The following RAB3C variants were observed in gnomAD, a reference collection of about 807,000 sequenced individuals.
RAB3C encodes the protein RAB3C, member RAS oncogene family.
RAB3C carries 17 observed loss-of-function variants against 26.4 expected under a neutral mutation model. The ratio of observed to expected loss-of-function variants is 0.64; its 90% confidence interval spans 0.44 to 0.97. RAB3C has a LOEUF of 0.97. RAB3C is among the 50% of genes least tolerant of loss of function. The pLI, the probability that RAB3C is intolerant of heterozygous loss-of-function variation, is 0.00. For missense variants in RAB3C, 242 were observed against 281.9 expected (o/e 0.86, Z 1.01); for synonymous variants, 91 against 95.9 (o/e 0.95, Z 0.30).
chr5:58,752,742 A>T (rs989661298), intron 3 of RAB3C, among the ~76,000 whole-genome samples: 1 of 152,164 alleles, frequency 6.6e-6, no homozygotes, highest in Non-Finnish European at 1.5e-5. Context: ...ACTTTGCTCA[A>T]TTTTATTACT....
At chr5:58,727,118 G>A (rs1740907018) in intron 3 of RAB3C, among the ~76,000 whole-genome samples, 1 of 111,048 alleles carries the variant, frequency 9.0e-6, no homozygotes, top group South Asian at 3.0e-4. Context: ...AAAACAGACA[G>A]CATTCTTTTT....
chr5:58,761,853 C>A (rs1014546212), intron 3 of RAB3C, among the ~76,000 whole-genome samples: 14 of 152,074 alleles, frequency 9.2e-5, no homozygotes, highest in African/African-American at 2.9e-4. Context: ...TTCCCAGGTA[C>A]CTGCTCTTCA....
intron 2 of RAB3C, among the ~76,000 whole-genome samples, chr5:58,655,381 G>A (rs1224650267): frequency 6.6e-6 from 1 of 152,158 alleles, no homozygotes; most frequent in Non-Finnish European, 1.5e-5. Flanking sequence ...GACATGTTTT[G>A]ACAATCTAGA....
intron 3 of RAB3C, among the ~76,000 whole-genome samples, chr5:58,798,300 C>G (rs150459170): frequency 2.2e-4 from 34 of 151,790 alleles, no homozygotes; most frequent in South Asian, 4.2e-4. Context: ...TTTTTAATTA[C>G]AAAGGGAAAA....
At chr5:58,697,382 A>C (rs1257123448) in intron 2 of RAB3C, among the ~76,000 whole-genome samples, 1 of 152,172 alleles carries the variant, frequency 6.6e-6, no homozygotes, top group Non-Finnish European at 1.5e-5. Flanking sequence ...TGTGGTGCTG[A>C]GAAGAATGTA....
intron 2 of RAB3C, among the ~76,000 whole-genome samples, chr5:58,624,221 C>T (rs16888306): frequency 0.057 from 8,713 of 152,210 alleles, 839 homozygotes; most frequent in African/African-American, 0.2. Flanking sequence ...GATCGAATTC[C>T]ACTGCTGCTA....
At chr5:58,615,088 C>T (rs981068528) in intron 1 of RAB3C, among the ~76,000 whole-genome samples, 2 of 151,938 alleles carry the variant, frequency 1.3e-5, no homozygotes, top group African/African-American at 2.4e-5. Context: ...CTATAGATAC[C>T]GAGGGACAAT....
intron 2 of RAB3C, among the ~76,000 whole-genome samples, chr5:58,627,660 GC>G (rs1196267957): frequency 2.0e-5 from 3 of 151,974 alleles, no homozygotes; most frequent in Non-Finnish European, 4.4e-5. Context: ...TTTTCCTTGT[GC>G]TTTTACTTTC....
chr5:58,796,091 T>C (rs1210101174), intron 3 of RAB3C, among the ~76,000 whole-genome samples: 1 of 152,198 alleles, frequency 6.6e-6, no homozygotes, highest in East Asian at 1.9e-4. Flanking sequence ...TTCCCTGTGA[T>C]TTTGAGATAA....
At chr5:58,647,905 T>C (rs1747560552) in intron 2 of RAB3C, among the ~76,000 whole-genome samples, 1 of 152,198 alleles carries the variant, frequency 6.6e-6, no homozygotes, top group Admixed American at 6.5e-5. Flanking sequence ...TTACAACAAC[T>C]GTTTGGGGTT....
chr5:58,607,290 A>G (rs564687301), intron 1 of RAB3C, among the ~76,000 whole-genome samples: 1 of 152,330 alleles, frequency 6.6e-6, no homozygotes, highest in East Asian at 1.9e-4. Flanking sequence ...AGCCAATTCG[A>G]TCAAGTGGAA....
intron 1 of RAB3C, among the ~76,000 whole-genome samples, chr5:58,608,979 G>A (rs1224983974): frequency 6.6e-6 from 1 of 152,124 alleles, no homozygotes; most frequent in African/African-American, 2.4e-5. Flanking sequence ...TCTTAGGTGG[G>A]AATTGAACAA....
intron 2 of RAB3C, among the ~76,000 whole-genome samples, chr5:58,637,567 T>C (rs1747315719): frequency 6.6e-6 from 1 of 152,170 alleles, no homozygotes; most frequent in Non-Finnish European, 1.5e-5. Flanking sequence ...ATTAATATAT[T>C]CCTTTGAAAG....
chr5:58,758,186 C>T (rs996928098), intron 3 of RAB3C, among the ~76,000 whole-genome samples: 8 of 152,208 alleles, frequency 5.3e-5, no homozygotes, highest in Middle Eastern at 3.4e-3. Flanking sequence ...CCTTGTGATC[C>T]GCCTGCCTCA....
intron 4 of RAB3C, among the ~76,000 whole-genome samples, chr5:58,828,164 T>C (rs557487829): frequency 6.6e-6 from 1 of 152,312 alleles, no homozygotes; most frequent in South Asian, 2.1e-4. Context: ...CAAGCATTTA[T>C]TAAGTGTTTA....
chr5:58,726,727 A>G (rs1282197068), intron 3 of RAB3C, among the ~76,000 whole-genome samples: 1 of 152,034 alleles, frequency 6.6e-6, no homozygotes, highest in Non-Finnish European at 1.5e-5. Flanking sequence ...ATAAAGGATA[A>G]GATAAAACCA....
rs1468014374 is a variant in RAB3C, at chr5:58,859,143, C to T, written c.*7792C>T. On this transcript the variant is annotated 3_prime_UTR_variant, in exon 5 of 5. Coordinates refer to ENST00000282878, the MANE Select transcript of RAB3C (RefSeq NM_138453.4). Reference sequence around the variant, plus strand: ...ATAGTGACCGACATTTAGTTGAAAACTACTGCTGCATAGCAAATATTGTGA... The same window carrying T: ...ATAGTGACCGACATTTAGTTGAAAATTACTGCTGCATAGCAAATATTGTGA... 1 of 152,206 alleles carries T rather than the reference C, an allele frequency of 6.6e-6. No individual in the cohort carries two copies. The highest frequency in any genetic ancestry group is 6.6e-5 in the Admixed American group (1 of 15,266). 9.4% of individuals were successfully genotyped at this position (152,206 alleles called of 1,614,324 possible). A position where few individuals can be genotyped will look rare whatever the true frequency, so the allele number is the denominator to read the frequency against.
intron 3 of RAB3C, among the ~76,000 whole-genome samples, chr5:58,759,858 T>C (rs1395461180): frequency 1.3e-5 from 2 of 152,198 alleles, no homozygotes; most frequent in African/African-American, 4.8e-5. Context: ...GATGAGTCAT[T>C]TGGCCTATAA....
At chr5:58,634,507 C>A (rs989365585) in intron 2 of RAB3C, among the ~76,000 whole-genome samples, 2 of 152,132 alleles carry the variant, frequency 1.3e-5, no homozygotes, top group Non-Finnish European at 2.9e-5. Context: ...GAGGAATAAT[C>A]AGGATAAAAC....
Sources: allele counts gnomAD v4.1 joint callset (sites outside exome capture counted in the v4.1 genomes callset), GRCh38; gene constraint gnomAD v4.1.1; transcripts MANE v1.5; gene names NCBI Gene and HGNC (gene_info 2026-07-23, HGNC 2026-07-21).